PTPRO: variants seen among roughly 807,000 people sequenced by gnomAD.
The protein encoded by PTPRO is receptor-type tyrosine-protein phosphatase O.
Under a neutral mutation model 145.2 loss-of-function variants are expected in PTPRO, and 62 were observed. That is an observed-to-expected ratio of 0.43 (90% CI 0.35 to 0.53). The LOEUF (loss-of-function observed/expected upper bound fraction) is 0.53. PTPRO is among the 20% of genes least tolerant of loss of function. The probability of loss-of-function intolerance (pLI) is 0.01; values close to 1 mark genes in which losing one functional copy is unlikely to be tolerated. For missense variants in PTPRO, 1,345 were observed against 1,482.7 expected (o/e 0.91, Z 1.53); for synonymous variants, 565 against 514.7 (o/e 1.10, Z -1.32).
chr12:15,575,676 T>TAGG (rs1413896661), intron 19 of PTPRO, among the ~76,000 whole-genome samples: 1 of 152,218 alleles, frequency 6.6e-6, no homozygotes, highest in African/African-American at 2.4e-5. Flanking sequence ...ATGGCTGCCA[T>TAGG]AACAAATTAC....
chr12:15,420,102 G>C (rs1433015591), intron 1 of PTPRO, among the ~76,000 whole-genome samples: 3 of 133,032 alleles, frequency 2.3e-5, no homozygotes, highest in African/African-American at 3.0e-5. Flanking sequence ...AGCGGAGATC[G>C]CACCACTGCA....
chr12:15,582,618 T>C (rs1015554868), intron 23 of PTPRO, among the ~76,000 whole-genome samples: 5 of 152,244 alleles, frequency 3.3e-5, no homozygotes, highest in African/African-American at 4.8e-5. Flanking sequence ...TCATTACTTA[T>C]ATTAATCATA....
intron 1 of PTPRO, among the ~76,000 whole-genome samples, chr12:15,477,467 A>G (rs1007863774): frequency 1.3e-5 from 2 of 151,602 alleles, no homozygotes; most frequent in Admixed American, 6.6e-5. Flanking sequence ...TAACCTGCAC[A>G]ATGTGCACAT....
At chr12:15,470,242 A>T (rs906330866) in intron 1 of PTPRO, among the ~76,000 whole-genome samples, 3 of 152,194 alleles carry the variant, frequency 2.0e-5, no homozygotes, top group Non-Finnish European at 4.4e-5. Context: ...ACTGTAGTAC[A>T]ATAGAGTCAC....
chr12:15,584,078 G>A (rs1405361982), intron 23 of PTPRO, among the ~76,000 whole-genome samples: 1 of 152,132 alleles, frequency 6.6e-6, no homozygotes, highest in Non-Finnish European at 1.5e-5. Flanking sequence ...CTTCTCTGGG[G>A]CAGAGTCTTA....
At chr12:15,545,924 AG>A (rs1943276505) in intron 12 of PTPRO, among the ~76,000 whole-genome samples, 1 of 151,806 alleles carries the variant, frequency 6.6e-6, no homozygotes. Flanking sequence ...TCGAGGCAGG[AG>A]GATCACTTGA....
chr12:15,586,103 T>C (rs1431774241), intron 23 of PTPRO, among the ~76,000 whole-genome samples: 1 of 152,204 alleles, frequency 6.6e-6, no homozygotes, highest in Non-Finnish European at 1.5e-5. Flanking sequence ...TTGTTATAAG[T>C]ATCATTAGGC....
chr12:15,510,156 G>A (rs1942409605), intron 7 of PTPRO, among the ~76,000 whole-genome samples: 1 of 152,142 alleles, frequency 6.6e-6, no homozygotes. Context: ...GGAAAATTAA[G>A]CATTTAATGA....
chr12:15,407,864 C>T (rs1939691340), intron 1 of PTPRO, among the ~76,000 whole-genome samples: 2 of 152,256 alleles, frequency 1.3e-5, no homozygotes, highest in South Asian at 4.1e-4. Context: ...ATTCACTTTA[C>T]CTTCCTAGCA....
At chr12:15,371,769 T>A (rs995847989) in intron 1 of PTPRO, among the ~76,000 whole-genome samples, 26 of 152,178 alleles carry the variant, frequency 1.7e-4, no homozygotes, top group African/African-American at 6.0e-4. Context: ...GGTAATTGAA[T>A]CATGGGGGTG....
chr12:15,403,315 G>C lies in PTPRO; in HGVS notation c.75+80514G>C, dbSNP rs534230506. Among the ~76,000 whole-genome samples, 5 of 152,256 alleles carry C rather than the reference G, an allele frequency of 3.3e-5. No individual in the cohort carries two copies. In the South Asian group the frequency reaches 1.0e-3, roughly 32 times the overall value. ...AAATACTTCTTGGCCAGGTGCGATG[G>C]CTCACACCTGTAATTCCAACACTTT... On this transcript the variant is annotated intron_variant, in intron 1 of 26. Coordinates refer to ENST00000281171, the MANE Select transcript of PTPRO (RefSeq NM_030667.3).
chr12:15,455,038 G>C (rs1591826106), intron 1 of PTPRO, among the ~76,000 whole-genome samples: 1 of 152,020 alleles, frequency 6.6e-6, no homozygotes, highest in South Asian at 2.1e-4. Flanking sequence ...TTTCAAGATT[G>C]CTTTGGCTAT....
chr12:15,322,922 C>T lies in PTPRO; in HGVS notation c.75+121C>T. On this transcript the variant is annotated intron_variant, in intron 1 of 26. Coordinates refer to ENST00000281171, the MANE Select transcript of PTPRO (RefSeq NM_030667.3). The surrounding 1 kb of genome is among the most constrained non-coding windows in gnomAD (Gnocchi z 6.3). ...CACGATGGCCCAGCCGCGGGAAGCG[C>T]CTGCCGTGCAGCCTGGGCGCACGCT... The T allele has an allele frequency of 2.1e-6, 2 of 965,188 alleles. No individual in the cohort carries two copies. Among genetic ancestry groups the T allele is most frequent in the Non-Finnish European group, 3.1e-6 (2 of 650,766 alleles). 59.8% of individuals were successfully genotyped at this position (965,188 alleles called of 1,614,324 possible). A position where few individuals can be genotyped will look rare whatever the true frequency, so the allele number is the denominator to read the frequency against.
At chr12:15,481,193 C>T (rs1941772188) in intron 1 of PTPRO, among the ~76,000 whole-genome samples, 1 of 152,152 alleles carries the variant, frequency 6.6e-6, no homozygotes, top group Non-Finnish European at 1.5e-5. Context: ...GCTAGCCTCA[C>T]AATTCCACGT....
At chr12:15,473,768 C>CAAAAAAAAAAAAAAAAAAAAAAA (rs11340085) in intron 1 of PTPRO, among the ~76,000 whole-genome samples, 2 of 65,570 alleles carry the variant, frequency 3.1e-5, no homozygotes, top group African/African-American at 1.2e-4. Flanking sequence ...GACTCCATCT[C>CAAAAAAAAAAAAAAAAAAAAAAA]AAAAAAAAAA....
intron 1 of PTPRO, among the ~76,000 whole-genome samples, chr12:15,404,433 T>A (rs1214284398): frequency 6.6e-6 from 1 of 152,208 alleles, no homozygotes; most frequent in Admixed American, 6.5e-5. Context: ...TTTCACATAC[T>A]GTACTTTGCC....
chr12:15,547,162 A>G (rs1032503635), intron 13 of PTPRO, among the ~76,000 whole-genome samples: 2 of 152,234 alleles, frequency 1.3e-5, no homozygotes, highest in East Asian at 3.8e-4. Flanking sequence ...GTACCACAAG[A>G]CAGGTCCATT....
intron 12 of PTPRO, among the ~76,000 whole-genome samples, chr12:15,529,096 A>G (rs1293883069): frequency 6.6e-6 from 1 of 152,212 alleles, no homozygotes; most frequent in Non-Finnish European, 1.5e-5. Flanking sequence ...AAATGCATGG[A>G]CCAACCCAGG....
chr12:15,580,163 A>G, intron 21 of PTPRO, 48 bp downstream of exon 21: 1 of 1,419,408 alleles, frequency 7.0e-7, no homozygotes, highest in Non-Finnish European at 9.9e-7. Context: ...CCAGCCAGAG[A>G]AAGACTAGCA....
Sources: gnomAD v4.1 joint callset for allele counts (sites outside exome capture counted in the v4.1 genomes callset) on GRCh38, gnomAD v4.1.1 for gene constraint, Gnocchi (gnomAD v3.1) non-coding constraint, MANE v1.5 for transcripts, NCBI Gene and HGNC (gene_info 2026-07-23, HGNC 2026-07-21) for gene names.